Variants in ARNT2 observed in about 807,000 individuals in gnomAD.
The protein encoded by ARNT2 is aryl hydrocarbon receptor nuclear translocator 2.
ARNT2 carries 36 observed loss-of-function variants against 91.7 expected under a neutral mutation model. The ratio of observed to expected loss-of-function variants is 0.39; its 90% CI spans 0.30 to 0.52. The LOEUF (loss-of-function observed/expected upper bound fraction) is 0.52, where lower values mean the gene tolerates loss of function less well. Ranked by LOEUF, ARNT2 falls within the 20% of genes least tolerant of loss-of-function variation. The probability of loss-of-function intolerance (pLI) is 0.72; values close to 1 mark genes in which losing one functional copy is unlikely to be tolerated. For synonymous variants in ARNT2, 365 were observed against 347.1 expected, an observed-to-expected ratio of 1.05 and a Z score of -0.57; for missense variants, 775 against 939.3, an observed-to-expected ratio of 0.83 and a Z score of 2.29.
chr15:80,525,938 T>A (rs56181223), intron 8 of ARNT2, among the ~76,000 whole-genome samples: 50,622 of 152,062 alleles, frequency 0.33, 8,906 homozygotes, highest in African/African-American at 0.38. Context: ...GCTAAAAATA[T>A]CTAAAGGCAA....
Position 80,551,857 on chromosome 15 carries a change from G to A in ARNT2, c.954+582G>A, listed in dbSNP as rs143903745. ...TCCTTCTCTCCTCCCTATTCTCATAGCACTGAGCTCTACCCTCAGTTACTC... is the reference window on the plus strand; with the variant it reads ...TCCTTCTCTCCTCCCTATTCTCATAACACTGAGCTCTACCCTCAGTTACTC... On this transcript the variant is annotated intron_variant, in intron 9 of 18. Coordinates refer to ENST00000303329, the MANE Select transcript of ARNT2 (RefSeq NM_014862.4). Among the ~76,000 whole-genome samples, 12 of 152,114 alleles carry A rather than the reference G, an allele frequency of 7.9e-5. No homozygotes were observed. The East Asian group carries it at 1.4e-3, about 17-fold the overall frequency.
intron 8 of ARNT2, among the ~76,000 whole-genome samples, chr15:80,537,174 T>C (rs4778807): frequency 0.51 from 77,828 of 152,016 alleles, 21,165 homozygotes; most frequent in African/African-American, 0.7. Flanking sequence ...CACCAGCTTC[T>C]CAGCCACTTG....
chr15:80,452,889 T>C (rs937669036), intron 2 of ARNT2, among the ~76,000 whole-genome samples: 2 of 152,208 alleles, frequency 1.3e-5, no homozygotes, highest in African/African-American at 4.8e-5. Flanking sequence ...CACCCTGATT[T>C]GTGGTTGCTC....
chr15:80,511,863 A>G (rs547442836), intron 6 of ARNT2, among the ~76,000 whole-genome samples: 1 of 152,252 alleles, frequency 6.6e-6, no homozygotes, highest in South Asian at 2.1e-4. Context: ...TTTCTGGAAA[A>G]AAGGAGTTAT....
intron 4 of ARNT2, among the ~76,000 whole-genome samples, chr15:80,472,091 A>C (rs1372394977): frequency 3.2e-5 from 4 of 125,130 alleles, no homozygotes; most frequent in Non-Finnish European, 6.6e-5. Context: ...AAAGCACTTC[A>C]TTGTGTATAG....
intron 5 of ARNT2, among the ~76,000 whole-genome samples, chr15:80,496,820 G>A (rs933065499): frequency 2.0e-5 from 3 of 152,202 alleles, no homozygotes; most frequent in Admixed American, 6.5e-5. Flanking sequence ...GGATTCTTTG[G>A]AAAACAGGAA....
chr15:80,545,721 G>A (rs1897979798), intron 8 of ARNT2, among the ~76,000 whole-genome samples: 1 of 152,202 alleles, frequency 6.6e-6, no homozygotes, highest in African/African-American at 2.4e-5. Flanking sequence ...TTAGATAAAT[G>A]TTAATGAGTC....
intron 6 of ARNT2, among the ~76,000 whole-genome samples, chr15:80,510,313 A>T (rs1897323980): frequency 6.6e-6 from 1 of 152,166 alleles, no homozygotes; most frequent in African/African-American, 2.4e-5. Context: ...TTTTAAGGTT[A>T]AGATGCCTGT....
Position 80,463,906 on chromosome 15 carries a change from A to G in ARNT2, c.194+5930A>G, listed in dbSNP as rs554080864. 2.6e-3 allele frequency among the ~76,000 whole-genome samples: 392 copies of G among 152,268 alleles called. 2 individuals are homozygous for G. Among genetic ancestry groups the G allele is most frequent in the South Asian group, 4.6e-3 (22 of 4,824 alleles). On this transcript the variant is annotated intron_variant, in intron 3 of 18. Transcript: ENST00000303329. ...TTCATACAAGATGTTTGGCTCTCAC[A>G]TGATGGACCTGCACCTTGATGTGTT... is the stretch of plus-strand genomic sequence containing the variant.
chr15:80,564,444 G>C (rs1335263687), intron 12 of ARNT2, among the ~76,000 whole-genome samples: 1 of 152,032 alleles, frequency 6.6e-6, no homozygotes, highest in Admixed American at 6.5e-5. Flanking sequence ...TGAGTCCTCA[G>C]CCTCTGCCCT....
intron 4 of ARNT2, 152 bp downstream of exon 4, chr15:80,470,583 A>G (rs1896719445): frequency 3.3e-6 from 3 of 912,038 alleles, no homozygotes; most frequent in African/African-American, 1.7e-5. Flanking sequence ...GCTGTCTTCA[A>G]AAGAGGGTTT....
intron 2 of ARNT2, among the ~76,000 whole-genome samples, chr15:80,457,149 A>G (rs1896492510): frequency 6.6e-6 from 1 of 152,186 alleles, no homozygotes; most frequent in African/African-American, 2.4e-5. Context: ...CAGAGACATG[A>G]TTTTTTGAGA....
intron 1 of ARNT2, among the ~76,000 whole-genome samples, chr15:80,418,227 T>C (rs1895814124): frequency 6.6e-6 from 1 of 152,214 alleles, no homozygotes; most frequent in South Asian, 2.1e-4. Context: ...CCTGGCACTC[T>C]GAGTCTGCTG....
At chr15:80,441,091 G>T (rs1896180556) in intron 1 of ARNT2, 2 of 410,858 alleles carry the variant, frequency 4.9e-6, no homozygotes, top group Admixed American at 6.4e-5. Flanking sequence ...ATATGCATTT[G>T]TTATGGTTTC....
Position 80,559,333 on chromosome 15 carries a change from C to CCCCAGA in ARNT2, c.1165-3750_1165-3749insACCCAG, listed in dbSNP as rs1359154126. On this transcript the variant is annotated intron_variant, in intron 11 of 18. Coordinates refer to ENST00000303329, the MANE Select transcript of ARNT2 (RefSeq NM_014862.4). ...CCGGCAGTCCCAGCCCCAGACCCAG[C>CCCCAGA]CCCAGCCCCAGCCCCGGCCACAGGG... is the stretch of plus-strand genomic sequence containing the variant. Among the ~76,000 whole-genome samples the CCCCAGA allele has an allele frequency of 3.2e-3, 472 of 147,822 alleles. 3 individuals are homozygous for CCCCAGA. Among genetic ancestry groups the CCCCAGA allele is most frequent in the South Asian group, 0.012 (55 of 4,632 alleles).
At chr15:80,475,294 C>G in intron 5 of ARNT2, 71 bp downstream of exon 5, 1 of 1,506,314 alleles carries the variant, frequency 6.6e-7, no homozygotes, top group Non-Finnish European at 9.1e-7. Context: ...GTGGCTCACG[C>G]CTGTAATCCC....
chr15:80,445,765 C>T (rs1298191256), intron 1 of ARNT2, among the ~76,000 whole-genome samples: 1 of 152,012 alleles, frequency 6.6e-6, no homozygotes, highest in Non-Finnish European at 1.5e-5. Flanking sequence ...GAGGTCGGAA[C>T]AGATGGAGCA....
chr15:80,495,087 CT>C (rs1196388548), intron 5 of ARNT2, among the ~76,000 whole-genome samples: 5 of 151,248 alleles, frequency 3.3e-5, no homozygotes, highest in East Asian at 1.9e-4. Flanking sequence ...ACCCCCACCC[CT>C]GTAAGCCTTT....
At chr15:80,564,978 G>T (rs563605271) in intron 12 of ARNT2, among the ~76,000 whole-genome samples, 1 of 151,268 alleles carries the variant, frequency 6.6e-6, no homozygotes, top group African/African-American at 2.4e-5. Flanking sequence ...AGGCTGAGGT[G>T]CAGTGGCACT....
Sources: gnomAD v4.1 joint callset for allele counts (sites outside exome capture counted in the v4.1 genomes callset) on GRCh38, gnomAD v4.1.1 for gene constraint, MANE v1.5 for transcripts, NCBI Gene and HGNC (gene_info 2026-07-23, HGNC 2026-07-21) for gene names.